TTBK1: variants seen among roughly 807,000 people sequenced by gnomAD.
TTBK1 encodes tau tubulin kinase 1.
A neutral mutation model predicts 108.5 loss-of-function variants in TTBK1; 34 were observed. That is an observed-to-expected ratio of 0.31 (90% CI 0.24 to 0.42). TTBK1 has a LOEUF of 0.42. Ranked by LOEUF, TTBK1 falls within the 10% of genes least tolerant of loss-of-function variation. The pLI is 1.00. For missense variants in TTBK1, 1,539 were observed against 1,826.0 expected (o/e 0.84, Z 2.86); for synonymous variants, 809 against 795.1 (o/e 1.02, Z -0.29).
intron 1 of TTBK1, 111 bp from the exon 2 acceptor site, chr6:43,246,496 T>C (rs1177356857): frequency 1.8e-6 from 1 of 558,250 alleles, no homozygotes; most frequent in Non-Finnish European, 3.2e-6. Flanking sequence ...GGAGCATCTG[T>C]CCAGTGGGGC....
rs1777795443 is a variant in TTBK1, at chr6:43,270,333, C to T, written c.1986+6983C>T. The T allele has an allele frequency of 9.6e-6, 10 of 1,037,572 alleles. No homozygotes were observed. In the South Asian group the frequency reaches 2.6e-4, roughly 27 times the overall value. 64.3% of individuals were successfully genotyped at this position (1,037,572 alleles called of 1,614,324 possible). ...GAGGCACTCTGGTATGGGCTTTGTTCTGTTTAATTTGTGATCTCTTGGCAT... is the reference window on the plus strand; with the variant it reads ...GAGGCACTCTGGTATGGGCTTTGTTTTGTTTAATTTGTGATCTCTTGGCAT... On this transcript the variant is annotated intron_variant, in intron 13 of 14. Coordinates refer to ENST00000259750, the MANE Select transcript of TTBK1 (RefSeq NM_032538.3).
intron 13 of TTBK1, among the ~76,000 whole-genome samples, chr6:43,275,964 G>A (rs533903931): frequency 6.2e-4 from 95 of 152,196 alleles, no homozygotes; most frequent in Admixed American, 5.1e-3. Context: ...CCCTGCCCCC[G>A]GAGAAGCGGG....
In TTBK1 at chr6:43,263,488, T is replaced by A; in HGVS notation, c.1986+138T>A. 3.4e-6 allele frequency: 3 copies of A among 873,966 alleles called. No homozygotes were observed. The highest frequency in any genetic ancestry group is 4.8e-6 in the Non-Finnish European group (3 of 623,540). 54.1% of individuals were successfully genotyped at this position (873,966 alleles called of 1,614,324 possible). On this transcript the variant is annotated intron_variant, in intron 13 of 14. Coordinates refer to ENST00000259750, the MANE Select transcript of TTBK1 (RefSeq NM_032538.3). This position sits in a 1 kb window ranked among gnomAD's most constrained non-coding sequence, Gnocchi z 4.7. ...AGGGCTGTGATGGAGGTAGACAGGC[T>A]TAAGGGTCTGAAACCATGTTTGAGG...
intron 2 of TTBK1, among the ~76,000 whole-genome samples, chr6:43,252,181 T>G (rs1777259795): frequency 7.7e-6 from 1 of 129,808 alleles, no homozygotes; most frequent in Non-Finnish European, 1.6e-5. Context: ...GACATCTGGC[T>G]CTGTGTGTGT....
chr6:43,250,037 T>C (rs551918954), intron 2 of TTBK1, among the ~76,000 whole-genome samples: 20 of 109,086 alleles, frequency 1.8e-4, no homozygotes, highest in African/African-American at 7.2e-4. Context: ...CCCTGTCTTA[T>C]GGAGGTTCCA....
chr6:43,284,175 G>T lies in TTBK1; in HGVS notation c.3435G>T (p.Lys1145Asn). The change falls in exon 14 of 15, where the codon AAG becomes AAT. Residue 1145 changes from lysine (K) to asparagine (N), a missense_variant. Coordinates refer to ENST00000259750, the MANE Select transcript of TTBK1 (RefSeq NM_032538.3). The stretch of plus-strand genomic sequence containing the variant: ...AGCCGGCAGCGGCCTTGCCCAGGAA[G>T]AGCGGGAGGGCAGCCGCCACCAGGA... The part of the protein sequence containing the change: ...ASEPAAALPR[K>N]SGRAAATRSR... 6.4e-7 allele frequency: 1 copy of T among 1,562,114 alleles called. No homozygotes were observed. The highest frequency in any genetic ancestry group is 1.2e-5 in the South Asian group (1 of 86,666).
At position 43,285,337 on chromosome 6, in the gene TTBK1, C is replaced by A. The variant is rs1238961503; in HGVS notation, c.3927C>A (p.Gly1309=). ...KLQAQRATTK[G]RAGGAEGRAG... Reference sequence around the variant, plus strand: ...AGGCTCAGCGCGCAACAACCAAAGGCCGGGCAGGAGGCGCGGAGGGCCGGG... The same window carrying A: ...AGGCTCAGCGCGCAACAACCAAAGGACGGGCAGGAGGCGCGGAGGGCCGGG... Residue 1309 remains glycine, a synonymous_variant, in exon 15 of 15, where the codon GGC becomes GGA. Coordinates refer to ENST00000259750, the MANE Select transcript of TTBK1 (RefSeq NM_032538.3). The surrounding 1 kb of genome is among the most constrained non-coding windows in gnomAD (Gnocchi z 4.7). 6.2e-6 allele frequency: 8 copies of A among 1,287,872 alleles called. No individual in the cohort carries two copies. The allele number at this position is 1,287,872 out of a possible 1,614,324, so 79.8% of individuals were successfully genotyped here.
intron 14 of TTBK1, 129 bp from the exon 15 acceptor site, chr6:43,284,854 G>A: frequency 7.3e-7 from 1 of 1,362,512 alleles, no homozygotes; most frequent in Non-Finnish European, 9.4e-7. Flanking sequence ...ACCCATCTGT[G>A]CCATGGTCTC....
At chr6:43,247,736 G>A (rs985397420) in intron 2 of TTBK1, among the ~76,000 whole-genome samples, 1 of 152,266 alleles carries the variant, frequency 6.6e-6, no homozygotes, top group Non-Finnish European at 1.5e-5. Context: ...GGAGAGGAGG[G>A]TGAGGCCCGG....
chr6:43,256,141 C>CTTTTT (rs35194954), intron 9 of TTBK1, among the ~76,000 whole-genome samples: 4 of 145,276 alleles, frequency 2.8e-5, no homozygotes, highest in African/African-American at 1.0e-4. Context: ...TATTCCAGCT[C>CTTTTT]TTTTTTTTTT....
chr6:43,268,978 T>C (rs1263078409), intron 13 of TTBK1, among the ~76,000 whole-genome samples: 1 of 151,366 alleles, frequency 6.6e-6, no homozygotes, highest in African/African-American at 2.5e-5. Context: ...CCCTTTGAGG[T>C]GGGCACCATT....
At chr6:43,261,593 T>C (rs1185318081) in intron 12 of TTBK1, among the ~76,000 whole-genome samples, 1 of 151,926 alleles carries the variant, frequency 6.6e-6, no homozygotes, top group South Asian at 2.1e-4. Flanking sequence ...GGTGGGTGGA[T>C]CACCTGAGGT....
At chr6:43,261,066 G>A (rs1401552832) in intron 12 of TTBK1, among the ~76,000 whole-genome samples, 1 of 152,150 alleles carries the variant, frequency 6.6e-6, no homozygotes, top group Non-Finnish European at 1.5e-5. Context: ...ATTGACATGG[G>A]AGCATAAATA....
intron 2 of TTBK1, among the ~76,000 whole-genome samples, chr6:43,251,271 G>T (rs1244771417): frequency 1.3e-5 from 2 of 152,196 alleles, no homozygotes; most frequent in African/African-American, 2.4e-5. Flanking sequence ...AGACGTTCGG[G>T]GCGGGTTCAG....
chr6:43,277,649 C>A (rs1021040259), intron 13 of TTBK1, among the ~76,000 whole-genome samples: 17 of 152,232 alleles, frequency 1.1e-4, no homozygotes, highest in African/African-American at 4.1e-4. Context: ...GTCATCTTAC[C>A]CCTTCCGCCA....
chr6:43,277,846 G>A (rs1274666559), intron 13 of TTBK1, among the ~76,000 whole-genome samples: 4 of 152,184 alleles, frequency 2.6e-5, no homozygotes, highest in South Asian at 2.1e-4. Flanking sequence ...AGGTGGAGCA[G>A]GGGTGTTGGG....
At chr6:43,277,213 G>A (rs1040971424) in intron 13 of TTBK1, among the ~76,000 whole-genome samples, 1 of 152,134 alleles carries the variant, frequency 6.6e-6, no homozygotes, top group Non-Finnish European at 1.5e-5. Flanking sequence ...CCTGGCCTTG[G>A]GGGTGCCAGG....
In TTBK1 at chr6:43,283,063, G is replaced by C. The variant is rs780307152; in HGVS notation, c.2323G>C (p.Ala775Pro). 4 of 1,588,574 alleles carry C rather than the reference G, an allele frequency of 2.5e-6. No individual in the cohort carries two copies. In the East Asian group the frequency reaches 9.1e-5, roughly 36 times the overall value. ...GGAAGAGGAGGAGGAGGCTGCAGCGGCAGTTGCCTTGGGGGAGGTGCTGGG... is the reference window on the plus strand; with the variant it reads ...GGAAGAGGAGGAGGAGGCTGCAGCGCCAGTTGCCTTGGGGGAGGTGCTGGG... ...EEEEEEEAAA[A>P]VALGEVLGPR... The change falls in exon 14 of 15, where the codon GCA (alanine) becomes CCA (proline). Residue 775 changes from alanine (A) to proline (P), a missense_variant. By Grantham distance (27) the Ala-to-Pro change is conservative. Around this residue, in one of 5 missense-constraint regions of TTBK1, gnomAD observed 1,055 missense variants for 1,086.5 expected, o/e 0.97. Coordinates refer to ENST00000259750, the MANE Select transcript of TTBK1 (RefSeq NM_032538.3). The surrounding 1 kb of genome is among the most constrained non-coding windows in gnomAD (Gnocchi z 8.1).
rs1480344178 is a variant in TTBK1 at position 43,265,193 on chromosome 6, A to G, written c.1986+1843A>G. ...GCCGCGTTCCACATAGTGGTCCCACATTGGGGGCGTACACTCTAGGTGGCT... is the reference window on the plus strand; with the variant it reads ...GCCGCGTTCCACATAGTGGTCCCACGTTGGGGGCGTACACTCTAGGTGGCT... On this transcript the variant is annotated intron_variant, in intron 13 of 14. Coordinates refer to ENST00000259750, the MANE Select transcript of TTBK1 (RefSeq NM_032538.3). The surrounding 1 kb of genome is among the most constrained non-coding windows in gnomAD (Gnocchi z 4.1). 6.6e-6 allele frequency among the ~76,000 whole-genome samples: 1 copy of G among 152,118 alleles called. No homozygotes were observed. Among genetic ancestry groups the G allele is most frequent in the Non-Finnish European group, 1.5e-5 (1 of 68,008 alleles).
Sources: gnomAD v4.1 joint callset for allele counts (sites outside exome capture counted in the v4.1 genomes callset) on GRCh38, gnomAD v4.1.1 for gene constraint, gnomAD v4.1.1 regional missense constraint, Gnocchi (gnomAD v3.1) non-coding constraint, MANE v1.5 for transcripts, NCBI Gene and HGNC (gene_info 2026-07-23, HGNC 2026-07-21) for gene names.